Variants in ZCCHC2 observed in about 807,000 individuals in gnomAD.
ZCCHC2 encodes zinc finger CCHC-type containing 2.
ZCCHC2 carries 39 observed loss-of-function variants against 103.6 expected under a neutral mutation model. The ratio of observed to expected loss-of-function variants is 0.38; its 90% confidence interval spans 0.29 to 0.49. The LOEUF (loss-of-function observed/expected upper bound fraction) is 0.49, where lower values mean the gene tolerates loss of function less well. Among genes scored for constraint, ZCCHC2 ranks in the 20% least tolerant of loss-of-function variants. The pLI, the probability that ZCCHC2 is intolerant of heterozygous loss-of-function variation, is 0.96. For synonymous variants in ZCCHC2, 687 were observed against 608.9 expected (o/e 1.13, Z -1.89); for missense variants, 1,483 against 1,491.0 (o/e 0.99, Z 0.09).
At chr18:62,547,989 G>C (rs1431647750) in intron 4 of ZCCHC2, among the ~76,000 whole-genome samples, 1 of 152,142 alleles carries the variant, frequency 6.6e-6, no homozygotes, top group African/African-American at 2.4e-5. Flanking sequence ...CAGTGCCTGG[G>C]GCACAGTAGG....
rs1160701024 is a variant in ZCCHC2 at position 62,578,039 on chromosome 18, G to C, written c.*1460G>C. On this transcript the variant is annotated 3_prime_UTR_variant, in exon 14 of 14. Transcript: ENST00000269499. ...GTAAACATTTGGTCTTGGTTCAGAA[G>C]CCTAACAGATTGCTAGACAAGAGAA... 1 of 152,592 alleles carries C rather than the reference G, an allele frequency of 6.6e-6. No individual in the cohort carries two copies. Among genetic ancestry groups the C allele is most frequent in the Non-Finnish European group, 1.5e-5 (1 of 68,034 alleles). 9.5% of individuals were successfully genotyped at this position (152,592 alleles called of 1,614,324 possible).
intron 11 of ZCCHC2, among the ~76,000 whole-genome samples, chr18:62,567,756 C>G (rs1916427226): frequency 6.6e-6 from 1 of 151,862 alleles, no homozygotes; most frequent in Admixed American, 6.6e-5. Context: ...ACCAGCCTGG[C>G]CATCATGGTG....
chr18:62,577,081 A>C lies in ZCCHC2; in HGVS notation c.*502A>C, dbSNP rs1253104248. On this transcript the variant is annotated 3_prime_UTR_variant, in exon 14 of 14. Transcript: ENST00000269499. Reference sequence around the variant, plus strand: ...GAGCAGCCAGCAGTGCATTCACCCCACTTTTGTAAACTGCTCTGCATATAA... The same window carrying C: ...GAGCAGCCAGCAGTGCATTCACCCCCCTTTTGTAAACTGCTCTGCATATAA... 1 of 158,526 alleles carries C rather than the reference A, an allele frequency of 6.3e-6. No homozygotes were observed. Among genetic ancestry groups the C allele is most frequent in the Non-Finnish European group, 1.4e-5 (1 of 71,498 alleles). The allele number at this position is 158,526 out of a possible 1,614,324, so 9.8% of individuals were successfully genotyped here. A position where few individuals can be genotyped will look rare whatever the true frequency, so the allele number is the denominator to read the frequency against.
chr18:62,559,060 G>T (rs140920859), intron 7 of ZCCHC2, among the ~76,000 whole-genome samples: 1 of 152,206 alleles, frequency 6.6e-6, no homozygotes, highest in Non-Finnish European at 1.5e-5. Flanking sequence ...TCATGCAGAA[G>T]ACATTCAAGT....
chr18:62,583,177 G>C (rs1303812305), downstream of ZCCHC2, among the ~76,000 whole-genome samples: 1 of 152,136 alleles, frequency 6.6e-6, no homozygotes, highest in East Asian at 1.9e-4. Flanking sequence ...TCTTTGGATG[G>C]TGAGGAACCT....
At chr18:62,579,891 T>G (rs1229415477), downstream of ZCCHC2, among the ~76,000 whole-genome samples, 1 of 148,104 alleles carries the variant, frequency 6.8e-6, no homozygotes, top group Non-Finnish European at 1.5e-5. Flanking sequence ...CCCAGCCAAT[T>G]TTTTTTTTTT....
At chr18:62,563,950 C>T (rs1000225876) in intron 9 of ZCCHC2, among the ~76,000 whole-genome samples, 3 of 152,058 alleles carry the variant, frequency 2.0e-5, no homozygotes, top group East Asian at 3.9e-4. Context: ...CGTATGGCCT[C>T]GCAGATATGG....
At position 62,532,560 on chromosome 18, in the gene ZCCHC2, T is replaced by G. The variant is rs1265429051; in HGVS notation, c.940-7121T>G. Among the ~76,000 whole-genome samples the G allele has an allele frequency of 3.3e-5, 5 of 152,228 alleles. No individual in the cohort carries two copies. The East Asian group carries it at 9.6e-4, about 29-fold the overall frequency. On this transcript the variant is annotated intron_variant, in intron 1 of 13. Coordinates refer to ENST00000269499, the MANE Select transcript of ZCCHC2 (RefSeq NM_017742.6). ...AGACTCAAAATCTCCTCCTCCACTC[T>G]TTTTTCATATATCCCCCCTTTCATT...
In ZCCHC2 at chr18:62,523,385, G is replaced by A; in HGVS notation, c.-40G>A. The stretch of plus-strand genomic sequence containing the variant: ...CGTGCTCCACCTCGCGGCCCCTCCC[G>A]CCCGCCCCCGCTCGCATGTCTGCGC... On this transcript the variant is annotated 5_prime_UTR_variant, in exon 1 of 14. Transcript: ENST00000269499. 1.3e-4 allele frequency: 22 copies of A among 174,542 alleles called. No homozygotes were observed. The highest frequency in any genetic ancestry group is 1.6e-4 in the Non-Finnish European group (21 of 134,106). 10.8% of individuals were successfully genotyped at this position (174,542 alleles called of 1,614,324 possible). A position where few individuals can be genotyped will look rare whatever the true frequency, so the allele number is the denominator to read the frequency against.
chr18:62,583,298 T>G (rs960493353), downstream of ZCCHC2, among the ~76,000 whole-genome samples: 1 of 151,914 alleles, frequency 6.6e-6, no homozygotes, highest in Non-Finnish European at 1.5e-5. Context: ...TTGGAAAGCT[T>G]GCCAGTTAAT....
chr18:62,562,430 CATCT>C (rs1376635935), intron 8 of ZCCHC2, among the ~76,000 whole-genome samples: 4 of 152,052 alleles, frequency 2.6e-5, no homozygotes, highest in Non-Finnish European at 5.9e-5. Context: ...TAATTTTCTC[CATCT>C]ATTTCCCATT....
chr18:62,538,260 C>CAAAAAAA (rs35609138), intron 1 of ZCCHC2, among the ~76,000 whole-genome samples: 4 of 122,540 alleles, frequency 3.3e-5, no homozygotes, highest in Non-Finnish European at 5.0e-5. Flanking sequence ...GACCCTGTCT[C>CAAAAAAA]AAAAAAAAAA....
In ZCCHC2 at chr18:62,576,533, C is replaced by A. The variant is rs746521314; in HGVS notation, c.3491C>A (p.Ala1164Glu). Residue 1164 changes from alanine (A) to glutamate (E), a missense_variant, in exon 14 of 14, where the codon GCA becomes GAA. By Grantham distance (107) the Ala-to-Glu change is moderately radical. This residue lies in a region of ZCCHC2 where 884 missense variants were observed against 907.5 expected (regional missense o/e 0.97). Coordinates refer to ENST00000269499, the MANE Select transcript of ZCCHC2 (RefSeq NM_017742.6). Reference sequence around the variant, plus strand: ...TTAGGCACTTACAGACTGAGATACGCACCTCCCCTCCCCCCTTCTAATGAT... The same window carrying A: ...TTAGGCACTTACAGACTGAGATACGAACCTCCCCTCCCCCCTTCTAATGAT... The part of the protein sequence containing the change: ...NQQGTYRLRY[A>E]PPLPPSNDTL... 4 of 1,613,766 alleles carry A rather than the reference C, an allele frequency of 2.5e-6. No individual in the cohort carries two copies. In the South Asian group the frequency reaches 4.4e-5, roughly 18 times the overall value.
chr18:62,526,740 A>G (rs1305436847), intron 1 of ZCCHC2: 1 of 151,774 alleles, frequency 6.6e-6, no homozygotes, highest in Non-Finnish European at 1.5e-5. Context: ...AGGTCACGCA[A>G]CGCCCGGAGC....
At chr18:62,529,280 A>G (rs1180170480) in intron 1 of ZCCHC2, among the ~76,000 whole-genome samples, 1 of 152,132 alleles carries the variant, frequency 6.6e-6, no homozygotes, top group East Asian at 1.9e-4. Flanking sequence ...GATATTTTAA[A>G]GTGAATAGTG....
rs181184205 is a variant in ZCCHC2 at position 62,574,127 on chromosome 18, C to A, written c.2046C>A (p.Asn682Lys). The A allele has an allele frequency of 1.9e-6, 3 of 1,613,994 alleles. No homozygotes were observed. Among genetic ancestry groups the A allele is most frequent in the Admixed American group, 3.3e-5 (2 of 60,028 alleles). ...TTRFTGYGSVNQTVTVKPPVQ... is the reference protein window; with the variant it reads ...TTRFTGYGSVKQTVTVKPPVQ... ...GGTTTACAGGTTACGGTTCTGTCAA[C>A]CAGACTGTCACTGTCAAGCCACCTG... Residue 682 changes from asparagine to lysine, a missense_variant, in exon 13 of 14, where the codon AAC becomes AAA. Asn to Lys is a moderately conservative substitution (Grantham distance 94). Around this residue, in one of 3 missense-constraint regions of ZCCHC2, gnomAD observed 884 missense variants for 907.5 expected, o/e 0.97. Transcript: ENST00000269499.
chr18:62,539,978 C>T (rs1412373985), intron 2 of ZCCHC2, among the ~76,000 whole-genome samples, 186 bp downstream of exon 2: 2 of 152,142 alleles, frequency 1.3e-5, no homozygotes, highest in Non-Finnish European at 2.9e-5. Flanking sequence ...TTTCCTGCGC[C>T]ACAGCCCTGC....
chr18:62,532,126 C>G (rs187986666), intron 1 of ZCCHC2, among the ~76,000 whole-genome samples: 1 of 152,218 alleles, frequency 6.6e-6, no homozygotes, highest in Non-Finnish European at 1.5e-5. Context: ...TGTGTGTGCG[C>G]GCGCGCGCAC....
At chr18:62,528,670 G>C (rs1353533340) in intron 1 of ZCCHC2, among the ~76,000 whole-genome samples, 1 of 151,734 alleles carries the variant, frequency 6.6e-6, no homozygotes, top group Non-Finnish European at 1.5e-5. Context: ...GATAGACCAA[G>C]TACTTTGATT....
Sources: gnomAD v4.1 joint callset for allele counts (sites outside exome capture counted in the v4.1 genomes callset) on GRCh38, gnomAD v4.1.1 for gene constraint, gnomAD v4.1.1 regional missense constraint, MANE v1.5 for transcripts, NCBI Gene and HGNC (gene_info 2026-07-23, HGNC 2026-07-21) for gene names.